Variants in CTNNA2 observed in about 807,000 individuals in gnomAD.
The protein encoded by CTNNA2 is catenin alpha-2.
A neutral mutation model predicts 101.0 loss-of-function variants in CTNNA2; 42 were observed. The ratio of observed to expected loss-of-function variants is 0.42; its 90% CI spans 0.32 to 0.54. The LOEUF (loss-of-function observed/expected upper bound fraction) is 0.54, where lower values mean the gene tolerates loss of function less well. Ranked by LOEUF, CTNNA2 falls within the 20% of genes least tolerant of loss-of-function variation. CTNNA2 has a pLI of 0.14. For missense variants in CTNNA2, 871 were observed against 1,223.1 expected (o/e 0.71, Z 4.29); for synonymous variants, 450 against 456.4 (o/e 0.99, Z 0.18).
chr2:80,584,499 A>G (rs1695808124), intron 14 of CTNNA2, among the ~76,000 whole-genome samples: 1 of 151,892 alleles, frequency 6.6e-6, no homozygotes, highest in African/African-American at 2.4e-5. Context: ...CTGATAAAAT[A>G]TGGAGGTGAT....
chr2:79,545,611 A>G (rs1402694460), intron 1 of CTNNA2, among the ~76,000 whole-genome samples: 1 of 152,088 alleles, frequency 6.6e-6, no homozygotes. Context: ...TAGTTGGGGG[A>G]TGTTGTTTTC....
At chr2:79,584,126 T>A (rs773641800) in intron 1 of CTNNA2, among the ~76,000 whole-genome samples, 7 of 152,186 alleles carry the variant, frequency 4.6e-5, no homozygotes, top group Non-Finnish European at 7.3e-5. Context: ...TAGTTACCGT[T>A]TCCTAAATTG....
intron 4 of CTNNA2, among the ~76,000 whole-genome samples, chr2:79,389,739 A>G (rs1678151626): frequency 6.6e-6 from 1 of 152,184 alleles, no homozygotes; most frequent in African/African-American, 2.4e-5. Flanking sequence ...GGCATAGATT[A>G]AAAGGTTTCT....
chr2:80,466,726 GTTA>G (rs1488853658), intron 9 of CTNNA2, among the ~76,000 whole-genome samples: 1 of 152,138 alleles, frequency 6.6e-6, no homozygotes. Flanking sequence ...GTTCAGCTGG[GTTA>G]TTGTTTCTGT....
At chr2:79,850,624 A>G (rs569967086) in intron 3 of CTNNA2, among the ~76,000 whole-genome samples, 6 of 152,224 alleles carry the variant, frequency 3.9e-5, no homozygotes, top group South Asian at 4.1e-4. Context: ...TTAAGAGGAT[A>G]GACCGCAGAG....
At chr2:80,496,223 G>A (rs762443736) in intron 9 of CTNNA2, among the ~76,000 whole-genome samples, 5 of 152,078 alleles carry the variant, frequency 3.3e-5, no homozygotes, top group Non-Finnish European at 5.9e-5. Context: ...CTAGTGCGTG[G>A]TACTTTGTTA....
At chr2:79,414,602 G>A (rs1226575883) in intron 4 of CTNNA2, among the ~76,000 whole-genome samples, 3 of 152,092 alleles carry the variant, frequency 2.0e-5, no homozygotes, top group Non-Finnish European at 4.4e-5. Flanking sequence ...AGGACCTTGA[G>A]TTGTGGCAGG....
At chr2:80,554,083 G>A (rs1223870294) in intron 11 of CTNNA2, among the ~76,000 whole-genome samples, 3 of 152,128 alleles carry the variant, frequency 2.0e-5, no homozygotes, top group African/African-American at 7.2e-5. Flanking sequence ...AAATCACACT[G>A]TATGAGGTCA....
Position 79,759,688 on chromosome 2 carries a change from A to G in CTNNA2, c.298+15106A>G, listed in dbSNP as rs1294517346. ...TTTTTCTGGTTCCATATCTTCTTGG[A>G]ATTCTATTTATTAGAATGTCCCAGG... On this transcript the variant is annotated intron_variant, in intron 3 of 18. Coordinates refer to ENST00000402739, the MANE Select transcript of CTNNA2 (RefSeq NM_001282597.3). Among the ~76,000 whole-genome samples the G allele has an allele frequency of 4.6e-5, 7 of 151,932 alleles. No homozygotes were observed. In the East Asian group the frequency reaches 1.4e-3, roughly 29 times the overall value.
intron 2 of CTNNA2, among the ~76,000 whole-genome samples, chr2:79,236,949 C>T (rs1224526907): frequency 6.6e-6 from 1 of 152,156 alleles, no homozygotes; most frequent in Non-Finnish European, 1.5e-5. Context: ...GAATCAACTT[C>T]TTTCAAATTC....
Position 79,739,480 on chromosome 2 carries a change from C to T in CTNNA2, c.103-4907C>T, listed in dbSNP as rs1671128392. On this transcript the variant is annotated intron_variant, in intron 2 of 18. Coordinates refer to ENST00000402739, the MANE Select transcript of CTNNA2 (RefSeq NM_001282597.3). ...TCAATGTCTGTTTACAAAAGTTTTT[C>T]TCTGTCAAGCTCTTTCATTCACTGA... Among the ~76,000 whole-genome samples the T allele has an allele frequency of 2.0e-5, 3 of 152,126 alleles. 1 individual carries two copies. The South Asian group carries it at 6.2e-4, about 31-fold the overall frequency.
chr2:79,963,027 C>T (rs954203261), intron 7 of CTNNA2, among the ~76,000 whole-genome samples: 8 of 134,930 alleles, frequency 5.9e-5, no homozygotes, highest in Admixed American at 8.7e-5. Context: ...GCTGAGATTG[C>T]GCCACTGCAC....
intron 7 of CTNNA2, among the ~76,000 whole-genome samples, chr2:80,082,794 A>G (rs1699228558): frequency 6.6e-6 from 1 of 152,144 alleles, no homozygotes; most frequent in South Asian, 2.1e-4. Flanking sequence ...CTTTTAAGCA[A>G]TGGAGTTTCC....
At chr2:79,541,725 C>T (rs1256687612) in intron 1 of CTNNA2, among the ~76,000 whole-genome samples, 1 of 124,912 alleles carries the variant, frequency 8.0e-6, no homozygotes, top group Admixed American at 8.0e-5. Flanking sequence ...CTCCTGGGGT[C>T]AAGCAATTCT....
At chr2:79,294,086 A>C (rs1019921346) in intron 2 of CTNNA2, among the ~76,000 whole-genome samples, 1 of 152,046 alleles carries the variant, frequency 6.6e-6, no homozygotes, top group Non-Finnish European at 1.5e-5. Context: ...CATAGTCCTG[A>C]AGACTGGGAA....
intron 12 of CTNNA2, among the ~76,000 whole-genome samples, chr2:80,567,639 A>G (rs374554534): frequency 6.6e-6 from 1 of 152,162 alleles, no homozygotes; most frequent in Non-Finnish European, 1.5e-5. Context: ...AACATCAAAC[A>G]TCACTTACCT....
chr2:80,587,258 C>T (rs941660065), intron 14 of CTNNA2, among the ~76,000 whole-genome samples: 1 of 151,934 alleles, frequency 6.6e-6, no homozygotes, highest in South Asian at 2.1e-4. Flanking sequence ...GCACAGTACC[C>T]AGTACTTGTG....
At chr2:80,543,925 T>C (rs1691807701) in intron 9 of CTNNA2, among the ~76,000 whole-genome samples, 2 of 152,132 alleles carry the variant, frequency 1.3e-5, no homozygotes, top group Admixed American at 6.5e-5. Flanking sequence ...TTGCTGTCCT[T>C]CTCCTCTTCT....
chr2:80,077,753 T>C (rs1284215799), intron 7 of CTNNA2, among the ~76,000 whole-genome samples: 1 of 152,196 alleles, frequency 6.6e-6, no homozygotes, highest in Non-Finnish European at 1.5e-5. Flanking sequence ...CAGACTAGTC[T>C]GTAGTGACAG....
Sources: allele counts gnomAD v4.1 joint callset (sites outside exome capture counted in the v4.1 genomes callset), GRCh38; gene constraint gnomAD v4.1.1; transcripts MANE v1.5; gene names NCBI Gene and HGNC (gene_info 2026-07-23, HGNC 2026-07-21).